The following GALNTL5 variants were observed in gnomAD, a reference collection of about 807,000 sequenced individuals.
GALNTL5 encodes the protein inactive polypeptide N-acetylgalactosaminyltransferase-like protein 5.
GALNTL5 carries 44 observed loss-of-function variants against 51.0 expected under a neutral mutation model. The observed-to-expected ratio is 0.86, with a 90% CI of 0.68 to 1.11. The LOEUF is 1.11. Among genes scored for constraint, GALNTL5 ranks in the 50% least tolerant of loss-of-function variants. The pLI, the probability that GALNTL5 is intolerant of heterozygous loss-of-function variation, is 0.00. For synonymous variants in GALNTL5, 192 were observed against 182.8 expected (o/e 1.05, Z -0.41); for missense variants, 528 against 531.8 (o/e 0.99, Z 0.07).
intron 7 of GALNTL5, among the ~76,000 whole-genome samples, chr7:152,013,663 T>A (rs1290917601): frequency 6.6e-6 from 1 of 152,266 alleles, no homozygotes; most frequent in East Asian, 1.9e-4. Flanking sequence ...GGGGTATTAT[T>A]TTTAATAATA....
chr7:151,985,088 C>T (rs1188147693), intron 4 of GALNTL5, among the ~76,000 whole-genome samples: 1 of 152,164 alleles, frequency 6.6e-6, no homozygotes, highest in East Asian at 1.9e-4. Context: ...GGGTGATAGA[C>T]AGCCATCTTT....
At chr7:151,981,356 T>C (rs774669256) in intron 3 of GALNTL5, among the ~76,000 whole-genome samples, 1 of 152,180 alleles carries the variant, frequency 6.6e-6, no homozygotes, top group Non-Finnish European at 1.5e-5. Flanking sequence ...ATTCATTGCA[T>C]CTTCACAGCC....
intron 8 of GALNTL5, among the ~76,000 whole-genome samples, chr7:152,017,437 C>T (rs2081833884): frequency 6.6e-6 from 1 of 152,152 alleles, no homozygotes; most frequent in Non-Finnish European, 1.5e-5. Flanking sequence ...CATGACTGTA[C>T]CTACAAGAGC....
chr7:152,014,723 C>T lies in GALNTL5; in HGVS notation c.1106C>T (p.Pro369Leu), dbSNP rs1487838050. 4 of 1,613,982 alleles carry T rather than the reference C, an allele frequency of 2.5e-6. No individual in the cohort carries two copies. The highest frequency in any genetic ancestry group is 3.4e-6 in the Non-Finnish European group (4 of 1,179,908). ...GHISKKQTGKPSTIISAMTHN... is the reference protein window; with the variant it reads ...GHISKKQTGKLSTIISAMTHN... Reference sequence around the variant, plus strand: ...ATCAGTAAGAAACAAACTGGAAAACCTTCTACAATCATCAGTGCTATGACA... The same window carrying T: ...ATCAGTAAGAAACAAACTGGAAAACTTTCTACAATCATCAGTGCTATGACA... The change falls in exon 8 of 9, where the codon CCT becomes CTT. Residue 369 changes from proline (P) to leucine (L), a missense_variant. Transcript: ENST00000392800.
Position 152,008,798 on chromosome 7 carries a change from A to G in GALNTL5, c.1026+854A>G, listed in dbSNP as rs569626831. Among the ~76,000 whole-genome samples, 143 of 152,010 alleles carry G rather than the reference A, an allele frequency of 9.4e-4. 1 individual carries two copies. The highest frequency in any genetic ancestry group is 1.6e-3 in the Non-Finnish European group (111 of 67,976). On this transcript the variant is annotated intron_variant, in intron 7 of 8. Transcript: ENST00000392800. ...CATGTTCCCTTTGGACGTAGGCATT[A>G]TTTTATAACGCTCATGCCTTTGGCG...
intron 7 of GALNTL5, among the ~76,000 whole-genome samples, chr7:152,010,962 T>G (rs969780010): frequency 6.6e-6 from 1 of 152,218 alleles, no homozygotes; most frequent in Non-Finnish European, 1.5e-5. Context: ...TGACATGCAC[T>G]GCTCTAAAAT....
intron 8 of GALNTL5, among the ~76,000 whole-genome samples, chr7:152,015,605 A>G (rs2081801719): frequency 6.6e-6 from 1 of 151,066 alleles, no homozygotes; most frequent in African/African-American, 2.4e-5. Context: ...TGATCCGCCC[A>G]CCTCGGCCTT....
rs201218158 is a variant in GALNTL5 at position 151,981,544 on chromosome 7, C to CCCTT, written c.369-1399_369-1396dup. Among the ~76,000 whole-genome samples the CCCTT allele has an allele frequency of 2.4e-3, 313 of 130,644 alleles. 3 individuals are homozygous for CCCTT. The highest frequency in any genetic ancestry group is 8.6e-3 in the African/African-American group (291 of 33,940). The allele number at this position is 130,644 out of a possible 152,430, so 85.7% of individuals were successfully genotyped here. On this transcript the variant is annotated intron_variant, in intron 3 of 8. Transcript: ENST00000392800. Reference sequence around the variant, plus strand: ...AGTCAGCTCACAATACATCTCTCTTCCCTTCCTTCCTTCCTTCCTTCCTTC... The same window carrying CCCTT: ...AGTCAGCTCACAATACATCTCTCTTCCCTTCCTTCCTTCCTTCCTTCCTTCCTTC...
In GALNTL5 at chr7:152,017,031, T is replaced by C. The variant is rs1586860206; in HGVS notation, c.1176+2238T>C. 3.8e-5 allele frequency among the ~76,000 whole-genome samples: 5 copies of C among 132,518 alleles called. No homozygotes were observed. The South Asian group carries it at 1.1e-3, about 30-fold the overall frequency. 86.9% of individuals were successfully genotyped at this position (132,518 alleles called of 152,430 possible). A position where few individuals can be genotyped will look rare whatever the true frequency, so the allele number is the denominator to read the frequency against. On this transcript the variant is annotated intron_variant, in intron 8 of 8. Coordinates refer to ENST00000392800, the MANE Select transcript of GALNTL5 (RefSeq NM_145292.4). ...CCAACCAGGGTGACAAGAGCAAAGC[T>C]CCATCTCAAAAAAAAAAAAAAGAAA...
chr7:151,967,870 T>A (rs2081079687), intron 2 of GALNTL5, among the ~76,000 whole-genome samples: 1 of 152,198 alleles, frequency 6.6e-6, no homozygotes, highest in Admixed American at 6.5e-5. Context: ...CTGTATATTA[T>A]CCCTAAGCAA....
At chr7:151,958,529 G>A (rs2080953362) in intron 1 of GALNTL5, among the ~76,000 whole-genome samples, 1 of 152,144 alleles carries the variant, frequency 6.6e-6, no homozygotes. Flanking sequence ...TGGGGAGGGG[G>A]GTGTGTTATG....
At chr7:151,980,281 G>C (rs1479743861) in intron 3 of GALNTL5, among the ~76,000 whole-genome samples, 1 of 151,998 alleles carries the variant, frequency 6.6e-6, no homozygotes, top group East Asian at 1.9e-4. Flanking sequence ...AAGGGGTTTT[G>C]CCATGTTGGC....
chr7:151,998,077 G>A (rs1257101179), intron 5 of GALNTL5, among the ~76,000 whole-genome samples: 2 of 151,912 alleles, frequency 1.3e-5, no homozygotes, highest in East Asian at 3.9e-4. Context: ...GTGTGTTGGT[G>A]CACACCTGTA....
At chr7:151,990,288 C>T (rs1322152971) in intron 5 of GALNTL5, among the ~76,000 whole-genome samples, 1 of 151,972 alleles carries the variant, frequency 6.6e-6, no homozygotes, top group Non-Finnish European at 1.5e-5. Context: ...AAGTGGTCTA[C>T]CTGCCTCGGC....
intron 3 of GALNTL5, among the ~76,000 whole-genome samples, chr7:151,973,970 C>T (rs1029493719): frequency 5.9e-5 from 9 of 152,042 alleles, no homozygotes; most frequent in African/African-American, 2.2e-4. Context: ...TGGAAGTTTC[C>T]CCCGTGCTCG....
intron 4 of GALNTL5, 53 bp downstream of exon 4, chr7:151,983,205 T>C: frequency 1.3e-6 from 2 of 1,487,110 alleles, no homozygotes; most frequent in Non-Finnish European, 9.3e-7. Flanking sequence ...GTTGTTGAGA[T>C]TTCCCTCTGT....
intron 1 of GALNTL5, among the ~76,000 whole-genome samples, chr7:151,965,715 C>CAAA (rs1159660882): frequency 6.6e-6 from 1 of 151,636 alleles, no homozygotes; most frequent in African/African-American, 2.4e-5. Flanking sequence ...CTTGTCTATA[C>CAAA]AAAAAAATAA....
At chr7:151,988,354 G>C (rs1186432176) in intron 5 of GALNTL5, among the ~76,000 whole-genome samples, 1 of 152,226 alleles carries the variant, frequency 6.6e-6, no homozygotes, top group African/African-American at 2.4e-5. Flanking sequence ...CGCATGTAGG[G>C]GAATGTTGGC....
intron 5 of GALNTL5, among the ~76,000 whole-genome samples, chr7:151,998,341 CTA>C (rs2081526711): frequency 6.6e-6 from 1 of 151,564 alleles, no homozygotes; most frequent in African/African-American, 2.4e-5. Context: ...AAAAAAAAGT[CTA>C]TTTTTTTAAC....
Sources: allele counts gnomAD v4.1 joint callset (sites outside exome capture counted in the v4.1 genomes callset), GRCh38; gene constraint gnomAD v4.1.1; transcripts MANE v1.5; gene names NCBI Gene and HGNC (gene_info 2026-07-23, HGNC 2026-07-21).